The following HSPB1 variants were observed in gnomAD, a reference collection of about 807,000 sequenced individuals.
HSPB1 encodes the protein heat shock protein family B (small) member 1.
Under a neutral mutation model 17.0 loss-of-function variants are expected in HSPB1, and 19 were observed. The ratio of observed to expected loss-of-function variants is 1.12; its 90% CI spans 0.78 to 1.64. The LOEUF (loss-of-function observed/expected upper bound fraction) is 1.64. Among genes scored for constraint, HSPB1 ranks in the 40% most tolerant of loss-of-function variants. HSPB1 has a pLI of 0.00. For synonymous variants in HSPB1, 165 were observed against 129.8 expected (o/e 1.27, Z -1.84); for missense variants, 348 against 289.2 (o/e 1.20, Z -1.47).
intron 1 of HSPB1, 81 bp downstream of exon 1, chr7:76,303,157 T>C (rs1466836761): frequency 6.9e-7 from 1 of 1,457,308 alleles, no homozygotes; most frequent in Non-Finnish European, 9.1e-7. Flanking sequence ...GAAACGGGGG[T>C]CCCGGGGGCC....
At chr7:76,303,411 T>A (rs1465863878) in intron 1 of HSPB1, 1 of 473,854 alleles carries the variant, frequency 2.1e-6, no homozygotes, top group East Asian at 3.6e-5. Context: ...AAAATTTTTT[T>A]AAAGATCATC....
intron 1 of HSPB1, 90 bp from the exon 2 acceptor site, chr7:76,303,712 T>G: frequency 9.0e-7 from 1 of 1,112,036 alleles, no homozygotes; most frequent in Non-Finnish European, 1.4e-6. Context: ...CAGTCCTGGC[T>G]GCTTCCAAGC....
At chr7:76,303,908 G>A (rs769376183) in intron 2 of HSPB1, 43 bp downstream of exon 2, 6 of 1,606,974 alleles carry the variant, frequency 3.7e-6, no homozygotes, top group Non-Finnish European at 5.1e-6. Flanking sequence ...TGGCGTGGGG[G>A]TGGGGTCAGG....
In HSPB1 at chr7:76,302,890, C is replaced by CCCG. The variant is rs748560388; in HGVS notation, c.184_186dup (p.Ala62dup). 19 of 1,560,424 alleles carry CCCG rather than the reference C, an allele frequency of 1.2e-5. No individual in the cohort carries two copies. The African/African-American group carries it at 2.3e-4, about 19-fold the overall frequency. ...GCCAGGCTACGTGCGCCCCCTGCCC[C>CCCG]CCGCCGCCATCGAGAGCCCCGCAGT... On this transcript the variant is annotated inframe_insertion, in exon 1 of 3. Transcript: ENST00000248553.
intron 1 of HSPB1, 100 bp downstream of exon 1, chr7:76,303,176 T>G: frequency 7.2e-7 from 1 of 1,390,988 alleles, no homozygotes; most frequent in Non-Finnish European, 9.7e-7. Flanking sequence ...CCTGGGGAGT[T>G]AAACGTTGGC....
Position 76,304,009 on chromosome 7 carries a change from C to G in HSPB1, c.454C>G (p.Gln152Glu). 5.6e-6 allele frequency: 9 copies of G among 1,613,916 alleles called. No homozygotes were observed. The South Asian group carries it at 8.8e-5, about 16-fold the overall frequency. The change falls in exon 3 of 3, where the codon CAA becomes GAA. Residue 152 changes from glutamine to glutamate, a missense_variant. By Grantham distance (29) the Gln-to-Glu change is conservative (BLOSUM62 2). Transcript: ENST00000248553. ...YTLPPGVDPT[Q>E]VSSSLSPEGT... Reference sequence around the variant, plus strand: ...GCTGCCCCCCGGTGTGGACCCCACCCAAGTTTCCTCCTCCCTGTCCCCTGA... The same window carrying G: ...GCTGCCCCCCGGTGTGGACCCCACCGAAGTTTCCTCCTCCCTGTCCCCTGA...
intron 1 of HSPB1, 112 bp downstream of exon 1, chr7:76,303,188 C>T: frequency 7.6e-7 from 1 of 1,319,728 alleles, no homozygotes; most frequent in Non-Finnish European, 1.0e-6. Context: ...AACGTTGGCC[C>T]AGCACCGGGA....
At position 76,302,821 on chromosome 7, in the gene HSPB1, C is replaced by T. The variant is rs763098034; in HGVS notation, c.109C>T (p.Arg37Trp). Residue 37 changes from arginine to tryptophan, a missense_variant, in exon 1 of 3, where the codon CGG becomes TGG. Coordinates refer to ENST00000248553, the MANE Select transcript of HSPB1 (RefSeq NM_001540.5). ...CTTCGACCAGGCCTTCGGGCTGCCCCGGCTGCCGGAGGAGTGGTCGCAGTG... is the reference window on the plus strand; with the variant it reads ...CTTCGACCAGGCCTTCGGGCTGCCCTGGCTGCCGGAGGAGTGGTCGCAGTG... ...RLFDQAFGLP[R>W]LPEEWSQWLG... The T allele has an allele frequency of 1.6e-5, 26 of 1,606,480 alleles. No homozygotes were observed. The Admixed American group carries it at 1.8e-4, about 11-fold the overall frequency.
At position 76,302,867 on chromosome 7, in the gene HSPB1, C is replaced by G; in HGVS notation, c.155C>G (p.Pro52Arg). The G allele has an allele frequency of 6.3e-7, 1 of 1,583,204 alleles. No individual in the cohort carries two copies. Among genetic ancestry groups the G allele is most frequent in the Non-Finnish European group, 8.5e-7 (1 of 1,169,802 alleles). ...CAGTGGTTAGGCGGCAGCAGCTGGCCAGGCTACGTGCGCCCCCTGCCCCCC... is the reference window on the plus strand; with the variant it reads ...CAGTGGTTAGGCGGCAGCAGCTGGCGAGGCTACGTGCGCCCCCTGCCCCCC... Reference protein sequence around the residue: ...WSQWLGGSSWPGYVRPLPPAA... With the variant: ...WSQWLGGSSWRGYVRPLPPAA... The change falls in exon 1 of 3, where the codon CCA becomes CGA. Residue 52 changes from proline to arginine, a missense_variant. Physicochemically the swap from Pro to Arg is moderately radical, Grantham distance 103. Transcript: ENST00000248553.
At position 76,304,265 on chromosome 7, in the gene HSPB1, T is replaced by C. The variant is rs1803079738; in HGVS notation, c.*92T>C. The C allele has an allele frequency of 7.6e-7, 1 of 1,322,460 alleles. No homozygotes were observed. Among genetic ancestry groups the C allele is most frequent in the East Asian group, 2.5e-5 (1 of 39,890 alleles). The allele number at this position is 1,322,460 out of a possible 1,614,324, so 81.9% of individuals were successfully genotyped here. Reference sequence around the variant, plus strand: ...CTTTTGATACATTTATCTTCTGTTTTTCTCAAATAAAGTTCAAAGCAACCA... The same window carrying C: ...CTTTTGATACATTTATCTTCTGTTTCTCTCAAATAAAGTTCAAAGCAACCA... On this transcript the variant is annotated 3_prime_UTR_variant, in exon 3 of 3. Transcript: ENST00000248553.
Position 76,303,093 on chromosome 7 carries a change from C to T in HSPB1, c.364+17C>T, listed in dbSNP as rs1296782873. On this transcript the variant is annotated intron_variant, in intron 1 of 2. Coordinates refer to ENST00000248553, the MANE Select transcript of HSPB1 (RefSeq NM_001540.5). Reference sequence around the variant, plus strand: ...AGATCACCGGTGAGCCCCCCTGCTCCTGCAGGGGAGAGGAGGAGGCTAGCA... The same window carrying T: ...AGATCACCGGTGAGCCCCCCTGCTCTTGCAGGGGAGAGGAGGAGGCTAGCA... 1 of 1,512,396 alleles carries T rather than the reference C, an allele frequency of 6.6e-7. No homozygotes were observed. The highest frequency in any genetic ancestry group is 2.0e-5 in the Admixed American group (1 of 49,044). The allele number at this position is 1,512,396 out of a possible 1,614,324, so 93.7% of individuals were successfully genotyped here.
chr7:76,302,934 C>T lies in HSPB1; in HGVS notation c.222C>T (p.Ser74=). The part of the protein sequence containing the change: ...ESPAVAAPAY[S]RALSRQLSSG... Reference sequence around the variant, plus strand: ...CCGCAGTGGCCGCGCCCGCCTACAGCCGCGCGCTCAGCCGGCAACTCAGCA... The same window carrying T: ...CCGCAGTGGCCGCGCCCGCCTACAGTCGCGCGCTCAGCCGGCAACTCAGCA... The change falls in exon 1 of 3, where the codon AGC becomes AGT. Residue 74 remains serine, a synonymous_variant. Transcript: ENST00000248553. The T allele has an allele frequency of 6.5e-7, 1 of 1,545,780 alleles. No individual in the cohort carries two copies. Among genetic ancestry groups the T allele is most frequent in the South Asian group, 1.2e-5 (1 of 85,386 alleles).
chr7:76,304,180 A>G lies in HSPB1; in HGVS notation c.*7A>G, dbSNP rs1010129587. ...TGAGACTGCCGCCAAGTAAAGCCTT[A>G]GCCCGGATGCCCACCCCTGCTGCCG... is the stretch of plus-strand genomic sequence containing the variant. On this transcript the variant is annotated 3_prime_UTR_variant, in exon 3 of 3. Transcript: ENST00000248553. 1 of 1,606,948 alleles carries G rather than the reference A, an allele frequency of 6.2e-7. No homozygotes were observed.
At position 76,304,248 on chromosome 7, in the gene HSPB1, A is replaced by C. The variant is rs1230486064; in HGVS notation, c.*75A>C. Reference sequence around the variant, plus strand: ...CCCGCCACCTGTGTGTTCTTTTGATACATTTATCTTCTGTTTTTCTCAAAT... The same window carrying C: ...CCCGCCACCTGTGTGTTCTTTTGATCCATTTATCTTCTGTTTTTCTCAAAT... On this transcript the variant is annotated 3_prime_UTR_variant, in exon 3 of 3. Transcript: ENST00000248553. The C allele has an allele frequency of 7.5e-7, 1 of 1,341,820 alleles. No individual in the cohort carries two copies. The highest frequency in any genetic ancestry group is 1.9e-5 in the Admixed American group (1 of 51,382). 83.1% of individuals were successfully genotyped at this position (1,341,820 alleles called of 1,614,324 possible). A position where few individuals can be genotyped will look rare whatever the true frequency, so the allele number is the denominator to read the frequency against.
In HSPB1 at chr7:76,303,079, G is replaced by A. The variant is rs1381612202; in HGVS notation, c.364+3G>A. The A allele has an allele frequency of 1.3e-6, 2 of 1,520,896 alleles. No homozygotes were observed. The highest frequency in any genetic ancestry group is 2.4e-5 in the East Asian group (1 of 41,412). The allele number at this position is 1,520,896 out of a possible 1,614,324, so 94.2% of individuals were successfully genotyped here. A position where few individuals can be genotyped will look rare whatever the true frequency, so the allele number is the denominator to read the frequency against. On this transcript the variant is annotated splice_donor_region_variant and intron_variant, in intron 1 of 2. Coordinates refer to ENST00000248553, the MANE Select transcript of HSPB1 (RefSeq NM_001540.5). The stretch of plus-strand genomic sequence containing the variant: ...GGATGGCGTGGTGGAGATCACCGGT[G>A]AGCCCCCCTGCTCCTGCAGGGGAGA...
rs540397860 is a variant in HSPB1 at position 76,303,695 on chromosome 7, C to T, written c.365-107C>T. The stretch of plus-strand genomic sequence containing the variant: ...CCCAACCCCCTCTGTTAATCCCTAC[C>T]AGCCTGCAGTCCTGGCTGCTTCCAA... On this transcript the variant is annotated intron_variant, in intron 1 of 2. Transcript: ENST00000248553. 1.1e-5 allele frequency: 10 copies of T among 882,922 alleles called. No individual in the cohort carries two copies. The Admixed American group carries it at 1.6e-4, about 14-fold the overall frequency. 54.7% of individuals were successfully genotyped at this position (882,922 alleles called of 1,614,324 possible). A position where few individuals can be genotyped will look rare whatever the true frequency, so the allele number is the denominator to read the frequency against.
chr7:76,303,914 T>C (rs1403278606), intron 2 of HSPB1, 49 bp downstream of exon 2: 1 of 1,606,988 alleles, frequency 6.2e-7, no homozygotes, highest in East Asian at 2.2e-5. Context: ...GGGGGTGGGG[T>C]CAGGGAAGAG....
chr7:76,303,143 G>A (rs1803034713), intron 1 of HSPB1, 67 bp downstream of exon 1: 3 of 1,484,174 alleles, frequency 2.0e-6, no homozygotes, highest in Admixed American at 4.4e-5. Context: ...GGGGGCGTGC[G>A]GTTGAAACGG....
rs1368947902 is a variant in HSPB1, at chr7:76,304,097, T to G, written c.542T>G (p.Ile181Ser). 3.1e-6 allele frequency: 5 copies of G among 1,613,550 alleles called. No homozygotes were observed. In the East Asian group the frequency reaches 8.9e-5, roughly 29 times the overall value. ...KLATQSNEITIPVTFESRAQL... is the reference protein window; with the variant it reads ...KLATQSNEITSPVTFESRAQL... ...GCCACGCAGTCCAACGAGATCACCA[T>G]CCCAGTCACCTTCGAGTCGCGGGCC... Residue 181 changes from isoleucine to serine, a missense_variant, in exon 3 of 3, where the codon ATC (isoleucine) becomes AGC (serine). Transcript: ENST00000248553.
Sources: allele counts gnomAD v4.1 joint callset, GRCh38; gene constraint gnomAD v4.1.1; transcripts MANE v1.5; gene names NCBI Gene and HGNC (gene_info 2026-07-23, HGNC 2026-07-21).